The following GALNTL6 variants were observed in gnomAD, a reference collection of about 807,000 sequenced individuals.
The protein encoded by GALNTL6 is polypeptide N-acetylgalactosaminyltransferase like 6, also known as polypeptide N-acetylgalactosaminyltransferase-like 6.
Under a neutral mutation model 73.7 loss-of-function variants are expected in GALNTL6, and 46 were observed. That is an observed-to-expected ratio of 0.62 (90% confidence interval 0.49 to 0.80). GALNTL6 has a LOEUF of 0.80. Among genes scored for constraint, GALNTL6 ranks in the 30% least tolerant of loss-of-function variants. GALNTL6 has a pLI of 0.00. For synonymous variants in GALNTL6, 259 were observed against 263.7 expected, an observed-to-expected ratio of 0.98 and a Z score of 0.17; for missense variants, 604 against 755.0, an observed-to-expected ratio of 0.80 and a Z score of 2.34.
intron 2 of GALNTL6, among the ~76,000 whole-genome samples, chr4:171,997,244 G>T (rs187363429): frequency 6.6e-6 from 1 of 152,040 alleles, no homozygotes; most frequent in Non-Finnish European, 1.5e-5. Flanking sequence ...CAGAAGAGGG[G>T]CAACTTCCCT....
intron 2 of GALNTL6, among the ~76,000 whole-genome samples, chr4:172,186,804 T>C (rs1560959926): frequency 6.6e-6 from 1 of 152,142 alleles, no homozygotes; most frequent in Non-Finnish European, 1.5e-5. Context: ...AACTGATTAA[T>C]GTGTATACGT....
intron 5 of GALNTL6, among the ~76,000 whole-genome samples, chr4:172,413,266 A>G (rs1040384844): frequency 1.1e-4 from 17 of 152,342 alleles, no homozygotes; most frequent in African/African-American, 1.4e-4. Context: ...AACTAAGAAC[A>G]TCTACCACAA....
chr4:171,859,138 G>A (rs780544227), intron 2 of GALNTL6, among the ~76,000 whole-genome samples: 86 of 151,988 alleles, frequency 5.7e-4, no homozygotes, highest in Non-Finnish European at 1.1e-3. Flanking sequence ...ATCTTTCTGT[G>A]TTCCACTCAT....
At chr4:171,923,786 C>CTG (rs563244976) in intron 2 of GALNTL6, among the ~76,000 whole-genome samples, 8,494 of 133,214 alleles carry the variant, frequency 0.064, 398 homozygotes, top group Admixed American at 0.17. Context: ...AAAAGTATTG[C>CTG]TGTGTGTGTG....
chr4:172,321,230 C>T (rs920235143), intron 4 of GALNTL6, among the ~76,000 whole-genome samples: 1 of 152,042 alleles, frequency 6.6e-6, no homozygotes, highest in Non-Finnish European at 1.5e-5. Context: ...ACATATCCCC[C>T]ATGGATGTGG....
intron 5 of GALNTL6, among the ~76,000 whole-genome samples, chr4:172,441,703 A>T (rs1250077054): frequency 6.6e-6 from 1 of 152,132 alleles, no homozygotes; most frequent in Non-Finnish European, 1.5e-5. Context: ...TCGTTCAGGC[A>T]TGTGTTAGAA....
At chr4:173,027,754 T>C (rs1314647742) in intron 12 of GALNTL6, among the ~76,000 whole-genome samples, 4 of 152,090 alleles carry the variant, frequency 2.6e-5, no homozygotes, top group Admixed American at 2.0e-4. Context: ...AAGGAAGAAA[T>C]AAAACAGTCC....
At chr4:173,007,355 C>T (rs1752348212) in intron 10 of GALNTL6, among the ~76,000 whole-genome samples, 2 of 152,184 alleles carry the variant, frequency 1.3e-5, no homozygotes, top group South Asian at 2.1e-4. Context: ...AAGGTATTAT[C>T]ATAATCCAGG....
At chr4:172,731,493 A>G (rs1736147935) in intron 5 of GALNTL6, among the ~76,000 whole-genome samples, 1 of 152,000 alleles carries the variant, frequency 6.6e-6, no homozygotes, top group South Asian at 2.1e-4. Flanking sequence ...TCTTTTTTAA[A>G]AAACAACCTT....
At chr4:172,439,975 T>A (rs986972371) in intron 5 of GALNTL6, among the ~76,000 whole-genome samples, 1 of 152,102 alleles carries the variant, frequency 6.6e-6, no homozygotes, top group Non-Finnish European at 1.5e-5. Context: ...TGGTGTTGTA[T>A]GTTCTATGGC....
At chr4:172,480,954 G>T (rs527735561) in intron 5 of GALNTL6, among the ~76,000 whole-genome samples, 2 of 152,290 alleles carry the variant, frequency 1.3e-5, no homozygotes, top group East Asian at 3.9e-4. Context: ...GTGGCAAATT[G>T]ACATTTTTGC....
intron 2 of GALNTL6, among the ~76,000 whole-genome samples, chr4:171,878,038 C>T (rs1261523300): frequency 6.6e-6 from 1 of 152,052 alleles, no homozygotes; most frequent in Non-Finnish European, 1.5e-5. Context: ...ATATGTGAAA[C>T]AATGAGATAC....
At chr4:173,037,208 T>C (rs1753732511) in intron 12 of GALNTL6, among the ~76,000 whole-genome samples, 1 of 152,234 alleles carries the variant, frequency 6.6e-6, no homozygotes, top group Admixed American at 6.5e-5. Flanking sequence ...GTGGATCTAC[T>C]GATCACTGTG....
At chr4:172,897,295 A>C (rs1197288339) in intron 8 of GALNTL6, among the ~76,000 whole-genome samples, 1 of 152,146 alleles carries the variant, frequency 6.6e-6, no homozygotes, top group African/African-American at 2.4e-5. Flanking sequence ...GGCCCTCTAG[A>C]GACCTGCTGT....
chr4:172,314,787 T>G (rs1740487265), intron 4 of GALNTL6, among the ~76,000 whole-genome samples: 1 of 151,906 alleles, frequency 6.6e-6, no homozygotes, highest in African/African-American at 2.4e-5. Context: ...TTTTTGTATT[T>G]TTAGTAGAGA....
chr4:173,000,464 T>C (rs917824558), intron 10 of GALNTL6, among the ~76,000 whole-genome samples: 2 of 152,212 alleles, frequency 1.3e-5, no homozygotes, highest in Non-Finnish European at 2.9e-5. Flanking sequence ...CGTGTTATTG[T>C]TAAATGGTGA....
At chr4:172,387,649 A>C (rs1743519539) in intron 5 of GALNTL6, among the ~76,000 whole-genome samples, 1 of 151,908 alleles carries the variant, frequency 6.6e-6, no homozygotes, top group Non-Finnish European at 1.5e-5. Flanking sequence ...TAATTCACTG[A>C]GTTTCTTGTA....
rs150442030 is a variant in GALNTL6, at chr4:172,332,328, G to A, written c.387-16195G>A. Reference sequence around the variant, plus strand: ...TCTAGTCAGAGTGTTTACAGTGTCCGTCACTTGAGTGCAATACATTTTTAA... The same window carrying A: ...TCTAGTCAGAGTGTTTACAGTGTCCATCACTTGAGTGCAATACATTTTTAA... On this transcript the variant is annotated intron_variant, in intron 4 of 12. Coordinates refer to ENST00000506823, the MANE Select transcript of GALNTL6 (RefSeq NM_001034845.3). Among the ~76,000 whole-genome samples the A allele has an allele frequency of 5.5e-3, 831 of 151,956 alleles. 8 individuals carry two copies. Among genetic ancestry groups the A allele is most frequent in the African/African-American group, 0.018 (747 of 41,464 alleles).
intron 5 of GALNTL6, among the ~76,000 whole-genome samples, chr4:172,623,912 T>A (rs2111077568): frequency 6.6e-6 from 1 of 152,308 alleles, no homozygotes. Flanking sequence ...TGAGATATTT[T>A]ACACATCAAT....
Sources: allele counts gnomAD v4.1 joint callset (sites outside exome capture counted in the v4.1 genomes callset), GRCh38; gene constraint gnomAD v4.1.1; transcripts MANE v1.5; gene names NCBI Gene and HGNC (gene_info 2026-07-23, HGNC 2026-07-21).